The following DSE variants were observed in gnomAD, a reference collection of about 807,000 sequenced individuals.
The protein encoded by DSE is dermatan-sulfate epimerase.
In DSE, 36 loss-of-function variants were observed where a neutral mutation model predicts 84.4. That is an observed-to-expected ratio of 0.43 (90% confidence interval 0.33 to 0.56). The LOEUF is 0.56. DSE is among the 20% of genes least tolerant of loss of function. DSE has a pLI of 0.06. For synonymous variants in DSE, 410 were observed against 430.1 expected (o/e 0.95, Z 0.58); for missense variants, 862 against 1,169.6 (o/e 0.74, Z 3.84).
chr6:116,332,666 A>T (rs897253808), intron 2 of DSE, among the ~76,000 whole-genome samples: 15 of 152,174 alleles, frequency 9.9e-5, no homozygotes, highest in Admixed American at 3.3e-4. Flanking sequence ...GGACACACAC[A>T]AAAAAGTACT....
intron 2 of DSE, among the ~76,000 whole-genome samples, chr6:116,328,380 A>G (rs763798038): frequency 9.2e-5 from 14 of 152,202 alleles, no homozygotes; most frequent in Non-Finnish European, 1.5e-4. Context: ...TTTTAATCAA[A>G]TTTCTCATAC....
intron 1 of DSE, among the ~76,000 whole-genome samples, chr6:116,390,373 T>C (rs1460850785): frequency 6.6e-6 from 1 of 152,134 alleles, no homozygotes; most frequent in Non-Finnish European, 1.5e-5. Flanking sequence ...TGGCCCATAA[T>C]TCCTGGATTT....
chr6:116,430,897 T>C, intron 3 of DSE, 57 bp from the exon 4 acceptor site: 1 of 1,588,644 alleles, frequency 6.3e-7, no homozygotes. Context: ...GGCCATATTT[T>C]TGTTTATGCT....
At position 116,437,947 on chromosome 6, in the gene DSE, AAACTT is replaced by A. The variant is rs1411884219; in HGVS notation, c.*605_*609del. The A allele has an allele frequency of 6.6e-6, 1 of 152,278 alleles. No homozygotes were observed. The highest frequency in any genetic ancestry group is 1.5e-5 in the Non-Finnish European group (1 of 68,026). The allele number at this position is 152,278 out of a possible 1,614,324, so 9.4% of individuals were successfully genotyped here. On this transcript the variant is annotated 3_prime_UTR_variant, in exon 6 of 6. Transcript: ENST00000644252. ...AAAAATGATAGCAGAAGATCATTAA[AAACTT>A]AAAATATATTTTATTAGAAAACATT...
At chr6:116,406,012 CAAT>C (rs1359517732) in intron 2 of DSE, among the ~76,000 whole-genome samples, 1 of 152,168 alleles carries the variant, frequency 6.6e-6, no homozygotes, top group East Asian at 1.9e-4. Flanking sequence ...TTCTTTCTAA[CAAT>C]AACTTTAAAA....
intron 1 of DSE, among the ~76,000 whole-genome samples, chr6:116,384,517 G>C (rs1024646043): frequency 2.0e-5 from 3 of 152,208 alleles, no homozygotes; most frequent in African/African-American, 7.2e-5. Context: ...GGAAGGCACT[G>C]GCCGTGATCA....
At chr6:116,406,118 T>C (rs1320790375) in intron 2 of DSE, among the ~76,000 whole-genome samples, 1 of 152,218 alleles carries the variant, frequency 6.6e-6, no homozygotes, top group Non-Finnish European at 1.5e-5. Context: ...AGATTCAGTA[T>C]TGGTATGACC....
chr6:116,422,491 G>A (rs1323477507), intron 2 of DSE, among the ~76,000 whole-genome samples: 4 of 152,136 alleles, frequency 2.6e-5, no homozygotes, highest in African/African-American at 7.2e-5. Flanking sequence ...TGAAAAAACC[G>A]AGCTAGCTCA....
intron 1 of DSE, among the ~76,000 whole-genome samples, chr6:116,374,096 C>G (rs971427091): frequency 3.3e-5 from 5 of 150,926 alleles, no homozygotes; most frequent in Non-Finnish European, 5.9e-5. Flanking sequence ...TTACCTTTAC[C>G]GATTGTGTTG....
At position 116,259,720 on chromosome 6, in the gene DSE, C is replaced by T. The variant is rs183584100; in HGVS notation, c.-54+753C>T. On this transcript the variant is annotated intron_variant, in intron 2 of 3. Coordinates refer to the DSE transcript ENST00000430252. ...ATGTGTTCTCATCATTTAGCTCCCA[C>T]CTATAAGAGAATTCGTGGTATTTGG... is the stretch of plus-strand genomic sequence containing the variant. 5.9e-3 allele frequency among the ~76,000 whole-genome samples: 905 copies of T among 152,266 alleles called. 9 individuals carry two copies. The highest frequency in any genetic ancestry group is 0.02 in the African/African-American group (849 of 41,562).
At chr6:116,386,543 C>T (rs1347862963) in intron 1 of DSE, among the ~76,000 whole-genome samples, 1 of 152,212 alleles carries the variant, frequency 6.6e-6, no homozygotes, top group Non-Finnish European at 1.5e-5. Flanking sequence ...CAATGTGTGC[C>T]AATACATGCA....
In DSE at chr6:116,433,386, G is replaced by A; in HGVS notation, c.954G>A (p.Trp318Ter). The change falls in exon 5 of 6, where the codon TGG (tryptophan) becomes TGA (stop). Residue 318 changes from tryptophan to a stop codon, truncating the protein, a stop_gained. Transcript: ENST00000644252. LOFTEE classifies it high-confidence loss of function. ...CTATTGCGGACTCAAATTACAACTG[G>A]TTTTATGGTCCAGAAAGCCAATTAG... ...TVAIADSNYN[W>*]FYGPESQLVF... 4 of 1,551,598 alleles carry A rather than the reference G, an allele frequency of 2.6e-6. No homozygotes were observed. The highest frequency in any genetic ancestry group is 3.5e-6 in the Non-Finnish European group (4 of 1,146,952).
intron 2 of DSE, among the ~76,000 whole-genome samples, chr6:116,351,950 T>C (rs1218248516): frequency 1.3e-5 from 2 of 152,186 alleles, no homozygotes; most frequent in Non-Finnish European, 2.9e-5. Flanking sequence ...TTCTAGTAAC[T>C]GCAGTTCTTC....
At chr6:116,272,936 C>G (rs765134776) in intron 2 of DSE, among the ~76,000 whole-genome samples, 2 of 152,216 alleles carry the variant, frequency 1.3e-5, no homozygotes, top group African/African-American at 2.4e-5. Flanking sequence ...TACTTGAAAT[C>G]TCTTAGCACA....
chr6:116,308,049 A>G (rs1482011763), intron 2 of DSE, among the ~76,000 whole-genome samples: 1 of 152,188 alleles, frequency 6.6e-6, no homozygotes, highest in African/African-American at 2.4e-5. Flanking sequence ...TGCAGAGTAT[A>G]CCATCACCAT....
rs188471879 is a variant in DSE, at chr6:116,275,477, A to G, written c.-54+16510A>G. 1.5e-3 allele frequency among the ~76,000 whole-genome samples: 222 copies of G among 152,310 alleles called. 1 individual carries two copies. The highest frequency in any genetic ancestry group is 5.1e-3 in the African/African-American group (212 of 41,556). Reference sequence around the variant, plus strand: ...TCCTCCATCTGAGTTTTGTCATTCAATATTTATCTGCTGACAACTATGCAA... The same window carrying G: ...TCCTCCATCTGAGTTTTGTCATTCAGTATTTATCTGCTGACAACTATGCAA... On this transcript the variant is annotated intron_variant, in intron 2 of 3. Coordinates refer to the DSE transcript ENST00000430252.
chr6:116,386,360 A>C (rs1430832809), intron 1 of DSE, among the ~76,000 whole-genome samples: 2 of 152,342 alleles, frequency 1.3e-5, no homozygotes, highest in South Asian at 4.2e-4. Flanking sequence ...CAGCCTTGGC[A>C]ATTCACTAGA....
intron 2 of DSE, among the ~76,000 whole-genome samples, chr6:116,296,506 C>G (rs1290989117): frequency 6.6e-6 from 1 of 152,076 alleles, no homozygotes; most frequent in African/African-American, 2.4e-5. Context: ...AAGAAATGCT[C>G]TAAATAAAGT....
chr6:116,339,188 A>G (rs1159425344), intron 2 of DSE, among the ~76,000 whole-genome samples: 1 of 152,106 alleles, frequency 6.6e-6, no homozygotes, highest in African/African-American at 2.4e-5. Context: ...TTCATCTCCC[A>G]TAGCTGATGT....
Sources: gnomAD v4.1 joint callset for allele counts (sites outside exome capture counted in the v4.1 genomes callset) on GRCh38, gnomAD v4.1.1 for gene constraint, MANE v1.5 for transcripts, NCBI Gene and HGNC (gene_info 2026-07-23, HGNC 2026-07-21) for gene names.